GPR39: variants seen among roughly 807,000 people sequenced by gnomAD.
GPR39 encodes the protein zinc sensing receptor.
In GPR39, 23 loss-of-function variants were observed where a neutral mutation model predicts 18.4. That is an observed-to-expected ratio of 1.25 (90% CI 0.90 to 1.77). The LOEUF is 1.77. Among genes scored for constraint, GPR39 ranks in the 40% most tolerant of loss-of-function variants. GPR39 has a pLI of 0.00. For missense variants in GPR39, 647 were observed against 602.4 expected (o/e 1.07, Z -0.78); for synonymous variants, 280 against 257.9 (o/e 1.09, Z -0.82).
At chr2:132,476,654 A>G (rs979610816) in intron 1 of GPR39, among the ~76,000 whole-genome samples, 3 of 151,494 alleles carry the variant, frequency 2.0e-5, no homozygotes, top group Non-Finnish European at 4.4e-5. Context: ...AAAAAAAAAA[A>G]AAAAAAAAGA....
intron 1 of GPR39, among the ~76,000 whole-genome samples, chr2:132,625,319 C>A (rs1239219459): frequency 6.6e-6 from 1 of 152,102 alleles, no homozygotes; most frequent in East Asian, 1.9e-4. Flanking sequence ...GTCTTCTGCC[C>A]ATTTTCTCTA....
chr2:132,516,354 A>AT (rs1249567475), intron 1 of GPR39, among the ~76,000 whole-genome samples: 1 of 152,142 alleles, frequency 6.6e-6, no homozygotes, highest in East Asian at 1.9e-4. Flanking sequence ...AGATTCCTAG[A>AT]ATGAGATGGA....
chr2:132,481,053 G>A (rs541465196), intron 1 of GPR39, among the ~76,000 whole-genome samples: 26 of 152,262 alleles, frequency 1.7e-4, no homozygotes, highest in East Asian at 3.9e-4. Flanking sequence ...GAAAAACACC[G>A]TTTAAAAATT....
chr2:132,532,228 T>A (rs933118248), intron 1 of GPR39, among the ~76,000 whole-genome samples: 1 of 152,090 alleles, frequency 6.6e-6, no homozygotes, highest in Non-Finnish European at 1.5e-5. Context: ...TCTATGCAAA[T>A]AAACTAGAAA....
rs901098193 is a variant in GPR39 at position 132,619,844 on chromosome 2, CACACACACACACAG to C, written c.857-25244_857-25231del. On this transcript the variant is annotated intron_variant, in intron 1 of 1. Coordinates refer to ENST00000329321, the MANE Select transcript of GPR39 (RefSeq NM_001508.3). ...ACACAGACACAGACACACACACACACACACACACACACAGACACACACACACTCTCCACACCCTA... is the reference window on the plus strand; with the variant it reads ...ACACAGACACAGACACACACACACACACACACACACACTCTCCACACCCTA... 9.3e-5 allele frequency among the ~76,000 whole-genome samples: 13 copies of C among 139,510 alleles called. No homozygotes were observed. The East Asian group carries it at 2.0e-3, about 21-fold the overall frequency. The allele number at this position is 139,510 out of a possible 152,430, so 91.5% of individuals were successfully genotyped here. A position where few individuals can be genotyped will look rare whatever the true frequency, so the allele number is the denominator to read the frequency against.
At chr2:132,562,397 T>C (rs983758967) in intron 1 of GPR39, among the ~76,000 whole-genome samples, 5 of 152,228 alleles carry the variant, frequency 3.3e-5, no homozygotes, top group South Asian at 2.1e-4. Context: ...CCCTTCATGA[T>C]TGGCCCTGCC....
intron 1 of GPR39, among the ~76,000 whole-genome samples, chr2:132,546,214 A>G (rs779283948): frequency 5.3e-5 from 8 of 152,102 alleles, no homozygotes; most frequent in African/African-American, 7.2e-5. Flanking sequence ...TGTTCAACAC[A>G]GATTACGGGT....
At chr2:132,593,654 T>G (rs1477284037) in intron 1 of GPR39, among the ~76,000 whole-genome samples, 1 of 152,118 alleles carries the variant, frequency 6.6e-6, no homozygotes, top group African/African-American at 2.4e-5. Context: ...ACAGCAGGCT[T>G]GGGGAGCCTG....
chr2:132,429,690 A>G (rs10193854), intron 1 of GPR39, among the ~76,000 whole-genome samples: 32,643 of 152,216 alleles, frequency 0.21, 3,683 homozygotes, highest in African/African-American at 0.26. Context: ...GAAAAGCTAA[A>G]GACAGCATCC....
At chr2:132,629,262 A>G (rs893017298) in intron 1 of GPR39, among the ~76,000 whole-genome samples, 5 of 152,166 alleles carry the variant, frequency 3.3e-5, no homozygotes, top group African/African-American at 9.7e-5. Flanking sequence ...TGCCATCTGG[A>G]TGTCTTGTTA....
chr2:132,592,434 T>A (rs573041502), intron 1 of GPR39, among the ~76,000 whole-genome samples: 97 of 151,966 alleles, frequency 6.4e-4, no homozygotes, highest in African/African-American at 2.1e-3. Context: ...TTGAGCAGAG[T>A]CAGGGAGAAT....
chr2:132,604,992 C>G (rs1263354840), intron 1 of GPR39: 2 of 152,196 alleles, frequency 1.3e-5, no homozygotes, highest in African/African-American at 4.8e-5. Flanking sequence ...AAGTGCTTTA[C>G]ATATTCATTT....
chr2:132,634,670 T>G (rs1681716642), intron 1 of GPR39, among the ~76,000 whole-genome samples: 1 of 152,224 alleles, frequency 6.6e-6, no homozygotes, highest in African/African-American at 2.4e-5. Context: ...ACAAATTTCC[T>G]TCTTTGGCAG....
chr2:132,469,195 C>T (rs1240452284), intron 1 of GPR39, among the ~76,000 whole-genome samples: 2 of 152,158 alleles, frequency 1.3e-5, no homozygotes, highest in East Asian at 3.9e-4. Flanking sequence ...CAGTTCCATC[C>T]CCCTGTAGGC....
intron 1 of GPR39, among the ~76,000 whole-genome samples, chr2:132,633,557 T>C (rs1286112086): frequency 6.6e-6 from 1 of 152,160 alleles, no homozygotes; most frequent in Non-Finnish European, 1.5e-5. Flanking sequence ...AGTTTGGGAT[T>C]GAGGATTGGA....
intron 1 of GPR39, among the ~76,000 whole-genome samples, chr2:132,505,076 A>C (rs943587084): frequency 5.3e-5 from 8 of 152,196 alleles, no homozygotes; most frequent in African/African-American, 1.9e-4. Flanking sequence ...ATTAAGAAAG[A>C]AAAGGAATTC....
chr2:132,635,403 G>C (rs1681733836), intron 1 of GPR39, among the ~76,000 whole-genome samples: 1 of 152,216 alleles, frequency 6.6e-6, no homozygotes. Flanking sequence ...AACATTCTTG[G>C]TGAACTCATA....
intron 1 of GPR39, among the ~76,000 whole-genome samples, chr2:132,441,670 C>T (rs1398318130): frequency 6.6e-6 from 1 of 152,166 alleles, no homozygotes; most frequent in Non-Finnish European, 1.5e-5. Context: ...CCATTTCTTC[C>T]ATTTAGCTGT....
intron 1 of GPR39, among the ~76,000 whole-genome samples, chr2:132,492,830 TATACACACC>T (rs1681518755): frequency 7.0e-6 from 1 of 141,988 alleles, no homozygotes; most frequent in Non-Finnish European, 1.5e-5. Context: ...ATATATACCA[TATACACACC>T]ATATATACAC....
Sources: allele counts gnomAD v4.1 joint callset (sites outside exome capture counted in the v4.1 genomes callset), GRCh38; gene constraint gnomAD v4.1.1; transcripts MANE v1.5; gene names NCBI Gene and HGNC (gene_info 2026-07-23, HGNC 2026-07-21).